The following PBX3 variants were observed in gnomAD, a reference collection of about 807,000 sequenced individuals.
PBX3 encodes PBX homeobox 3, also known as pre-B-cell leukemia transcription factor 3.
Under a neutral mutation model 48.5 loss-of-function variants are expected in PBX3, and 14 were observed. The ratio of observed to expected loss-of-function variants is 0.29; its 90% CI spans 0.19 to 0.45. The LOEUF (loss-of-function observed/expected upper bound fraction) is 0.45. Among genes scored for constraint, PBX3 ranks in the 20% least tolerant of loss-of-function variants. The pLI is 1.00. For synonymous variants in PBX3, 210 were observed against 200.3 expected (o/e 1.05, Z -0.41); for missense variants, 386 against 546.7 (o/e 0.71, Z 2.93).
At chr9:125,872,666 A>G (rs1425052751) in intron 2 of PBX3, among the ~76,000 whole-genome samples, 1 of 152,034 alleles carries the variant, frequency 6.6e-6, no homozygotes, top group Non-Finnish European at 1.5e-5. Flanking sequence ...AGGCTGAGGC[A>G]GGAGGATCGC....
At chr9:125,898,781 G>A (rs895669839) in intron 2 of PBX3, among the ~76,000 whole-genome samples, 4 of 151,822 alleles carry the variant, frequency 2.6e-5, no homozygotes, top group Non-Finnish European at 5.9e-5. Flanking sequence ...GGATATTCAT[G>A]ATTGTTTTTA....
At position 125,913,384 on chromosome 9, in the gene PBX3, A is replaced by G. The variant is rs796856934; in HGVS notation, c.275-2302A>G. Among the ~76,000 whole-genome samples the G allele has an allele frequency of 1.3e-3, 204 of 152,276 alleles. 1 individual carries two copies. Among genetic ancestry groups the G allele is most frequent in the African/African-American group, 4.6e-3 (193 of 41,578 alleles). The stretch of plus-strand genomic sequence containing the variant: ...TAAGAGTAAAACGTTATAGTAATTG[A>G]TACTGTATACTTATAATTGTTTTTA... On this transcript the variant is annotated intron_variant, in intron 2 of 8. Transcript: ENST00000373489.
At chr9:125,874,311 CAAAAGTGTACTCTA>C (rs1840197592) in intron 2 of PBX3, among the ~76,000 whole-genome samples, 1 of 151,948 alleles carries the variant, frequency 6.6e-6, no homozygotes, top group South Asian at 2.1e-4. Flanking sequence ...CCGTTGTAAA[CAAAAGTGTACTCTA>C]AAACTAATTA....
chr9:125,802,353 T>C (rs1353346855), intron 2 of PBX3, among the ~76,000 whole-genome samples: 2 of 132,542 alleles, frequency 1.5e-5, no homozygotes, highest in African/African-American at 2.9e-5. Flanking sequence ...GTGAGAACAT[T>C]AGTGCATTTT....
intron 2 of PBX3, among the ~76,000 whole-genome samples, chr9:125,808,482 C>T (rs75973169): frequency 0.034 from 5,217 of 151,940 alleles, 314 homozygotes; most frequent in African/African-American, 0.12. Flanking sequence ...TTGAGACCAC[C>T]CTGGGGACTC....
chr9:125,959,671 A>G (rs1412363364), intron 5 of PBX3, among the ~76,000 whole-genome samples: 1 of 152,222 alleles, frequency 6.6e-6, no homozygotes, highest in Non-Finnish European at 1.5e-5. Context: ...GCTGTTAAGT[A>G]TAATACCTTC....
Position 125,759,071 on chromosome 9 carries a change from GA to G in PBX3, c.274+10451del, listed in dbSNP as rs1276230078. Among the ~76,000 whole-genome samples the G allele has an allele frequency of 6.6e-6, 1 of 152,158 alleles. No individual in the cohort carries two copies. Among genetic ancestry groups the G allele is most frequent in the African/African-American group, 2.4e-5 (1 of 41,424 alleles). ...AGCAGAACTACTCAACTTAGGCAGA[GA>G]AAGTAGTGGAAATGGTTGATTCAAA... On this transcript the variant is annotated intron_variant, in intron 2 of 8. Transcript: ENST00000373489. The surrounding 1 kb of genome is among the most constrained non-coding windows in gnomAD (Gnocchi z 4.2).
At chr9:125,846,786 A>G (rs1293873759) in intron 2 of PBX3, among the ~76,000 whole-genome samples, 1 of 152,090 alleles carries the variant, frequency 6.6e-6, no homozygotes, top group Admixed American at 6.6e-5. Flanking sequence ...ATGAACCATA[A>G]TTCCTTGATA....
chr9:125,834,215 G>C (rs1196523678), intron 2 of PBX3, among the ~76,000 whole-genome samples: 3 of 152,094 alleles, frequency 2.0e-5, no homozygotes, highest in Non-Finnish European at 4.4e-5. Flanking sequence ...GGAGACTTTA[G>C]AAAAAGTAGT....
chr9:125,928,817 T>C (rs925340339), intron 3 of PBX3, among the ~76,000 whole-genome samples: 1 of 152,182 alleles, frequency 6.6e-6, no homozygotes, highest in African/African-American at 2.4e-5. Flanking sequence ...TTATTTTCTG[T>C]TGGACATCCC....
At chr9:125,933,649 G>A (rs1841769995) in intron 4 of PBX3, among the ~76,000 whole-genome samples, 1 of 152,176 alleles carries the variant, frequency 6.6e-6, no homozygotes, top group Admixed American at 6.5e-5. Context: ...GAGGGACAAG[G>A]AGGGTTGGAG....
intron 5 of PBX3, among the ~76,000 whole-genome samples, chr9:125,946,263 A>G (rs1588327363): frequency 6.6e-6 from 1 of 152,152 alleles, no homozygotes; most frequent in Non-Finnish European, 1.5e-5. Context: ...TTGGAGAAAG[A>G]TAGCAGCATC....
intron 2 of PBX3, among the ~76,000 whole-genome samples, chr9:125,885,533 A>G (rs1314396861): frequency 1.3e-5 from 2 of 152,244 alleles, no homozygotes; most frequent in African/African-American, 4.8e-5. Context: ...TAAGCAACAC[A>G]TTCATTTTAA....
At chr9:125,842,943 C>T (rs1400955364) in intron 2 of PBX3, among the ~76,000 whole-genome samples, 1 of 152,018 alleles carries the variant, frequency 6.6e-6, no homozygotes, top group Non-Finnish European at 1.5e-5. Flanking sequence ...CAAAATTAAG[C>T]TCTTTTATTT....
At chr9:125,933,512 G>A (rs1311915482) in intron 4 of PBX3, among the ~76,000 whole-genome samples, 2 of 152,036 alleles carry the variant, frequency 1.3e-5, no homozygotes, top group Non-Finnish European at 2.9e-5. Flanking sequence ...CCTTTCATAC[G>A]TCGCTATTTC....
At chr9:125,827,071 A>G (rs1345376480) in intron 2 of PBX3, among the ~76,000 whole-genome samples, 1 of 152,092 alleles carries the variant, frequency 6.6e-6, no homozygotes, top group Non-Finnish European at 1.5e-5. Flanking sequence ...CTGTCACTCT[A>G]TTCTCTACCT....
At chr9:125,884,539 C>A (rs1840454708) in intron 2 of PBX3, among the ~76,000 whole-genome samples, 1 of 152,172 alleles carries the variant, frequency 6.6e-6, no homozygotes, top group African/African-American at 2.4e-5. Flanking sequence ...CCTATACTCT[C>A]TTGGTTGAGG....
At chr9:125,822,189 A>G (rs1408473817) in intron 2 of PBX3, among the ~76,000 whole-genome samples, 1 of 152,190 alleles carries the variant, frequency 6.6e-6, no homozygotes, top group Non-Finnish European at 1.5e-5. Flanking sequence ...AAAGGTGGGT[A>G]GTAAATGGTG....
chr9:125,868,305 G>A (rs191141299), intron 2 of PBX3, among the ~76,000 whole-genome samples: 2 of 152,190 alleles, frequency 1.3e-5, no homozygotes, highest in East Asian at 1.9e-4. Context: ...TAAAGAAAAC[G>A]AAAACCAGAG....
Sources: allele counts gnomAD v4.1 joint callset (sites outside exome capture counted in the v4.1 genomes callset), GRCh38; gene constraint gnomAD v4.1.1; non-coding constraint Gnocchi (gnomAD v3.1); transcripts MANE v1.5; gene names NCBI Gene and HGNC (gene_info 2026-07-23, HGNC 2026-07-21).